OXCT1: variants seen among roughly 807,000 people sequenced by gnomAD.
OXCT1 encodes succinyl-CoA:3-ketoacid coenzyme A transferase 1, mitochondrial.
OXCT1 carries 27 observed loss-of-function variants against 69.6 expected under a neutral mutation model. The observed-to-expected ratio is 0.39, with a 90% CI of 0.29 to 0.54. OXCT1 has a LOEUF of 0.54. OXCT1 is among the 20% of genes least tolerant of loss of function. The pLI, the probability that OXCT1 is intolerant of heterozygous loss-of-function variation, is 0.72. For synonymous variants in OXCT1, 202 were observed against 217.8 expected (o/e 0.93, Z 0.64); for missense variants, 437 against 650.2 (o/e 0.67, Z 3.57).
rs145651969 is a variant in OXCT1 at position 41,841,741 on chromosome 5, G to A, written c.671+934C>T. Among the ~76,000 whole-genome samples the A allele has an allele frequency of 2.7e-4, 41 of 152,242 alleles. No homozygotes were observed. In the East Asian group the frequency reaches 6.6e-3, roughly 24 times the overall value. ...CTAAACGTGTAAATATTACACAAAC[G>A]TGTCAAATAAGGTAAAGATGATGTA... On this transcript the variant is annotated intron_variant, in intron 6 of 16. Coordinates refer to ENST00000196371, the MANE Select transcript of OXCT1 (RefSeq NM_000436.4).
Position 41,805,582 on chromosome 5 carries a change from C to T in OXCT1, c.940G>A (p.Glu314Lys). The change falls in exon 9 of 17, where the codon GAG (glutamate) becomes AAG (lysine). Residue 314 changes from glutamate (E) to lysine (K), a missense_variant. Glu to Lys is a moderately conservative substitution (Grantham distance 56). Coordinates refer to ENST00000196371, the MANE Select transcript of OXCT1 (RefSeq NM_000436.4). ...RIIKRAALEF[E>K]DGMYANLGIG... Reference sequence around the variant, plus strand: ...TAAAGGATACCATACATGCCATCCTCAAACTCAAGAGCGGCCCTCTTGATG... The same window carrying T: ...TAAAGGATACCATACATGCCATCCTTAAACTCAAGAGCGGCCCTCTTGATG... The T allele has an allele frequency of 6.2e-7, 1 of 1,611,904 alleles. No homozygotes were observed. The highest frequency in any genetic ancestry group is 8.5e-7 in the Non-Finnish European group (1 of 1,178,260).
chr5:41,814,754 T>G, intron 7 of OXCT1, among the ~76,000 whole-genome samples: 1 of 146,828 alleles, frequency 6.8e-6, no homozygotes, highest in Admixed American at 6.7e-5. Flanking sequence ...AGGGATAGCA[T>G]TGGGAGATAT....
chr5:41,857,869 C>A (rs920126364), intron 3 of OXCT1, among the ~76,000 whole-genome samples: 1 of 152,148 alleles, frequency 6.6e-6, no homozygotes, highest in Non-Finnish European at 1.5e-5. Context: ...TAAAATAATT[C>A]ATGAAGGTAG....
At chr5:41,861,207 T>A (rs1749717101) in intron 3 of OXCT1, 107 bp downstream of exon 3, 4 of 786,992 alleles carry the variant, frequency 5.1e-6, no homozygotes, top group African/African-American at 1.7e-5. Context: ...TGCTTGGACA[T>A]ATTGCTCATG....
At chr5:41,784,448 C>T (rs1357326479) in intron 13 of OXCT1, among the ~76,000 whole-genome samples, 3 of 152,204 alleles carry the variant, frequency 2.0e-5, no homozygotes, top group African/African-American at 7.2e-5. Context: ...CTTCAAACCA[C>T]AACAGGCTTT....
chr5:41,810,534 T>C (rs1746922463), intron 7 of OXCT1, among the ~76,000 whole-genome samples: 1 of 152,056 alleles, frequency 6.6e-6, no homozygotes, highest in Non-Finnish European at 1.5e-5. Flanking sequence ...CGTTTGAGGC[T>C]TCTCTAATTG....
At chr5:41,796,069 C>T (rs1416453422) in intron 11 of OXCT1, among the ~76,000 whole-genome samples, 3 of 152,108 alleles carry the variant, frequency 2.0e-5, no homozygotes, top group Admixed American at 6.6e-5. Flanking sequence ...CAGGGAATAA[C>T]ATGGTAATAC....
intron 6 of OXCT1, 103 bp downstream of exon 6, chr5:41,842,572 T>G (rs1748679858): frequency 2.4e-6 from 2 of 845,362 alleles, no homozygotes. Context: ...GCATGTATGA[T>G]TTTGGGCCAT....
rs1743558651 is a variant in OXCT1, at chr5:41,747,539, T to C, written c.1419+1988A>G. 5.3e-5 allele frequency among the ~76,000 whole-genome samples: 8 copies of C among 152,128 alleles called. 2 individuals are homozygous for C. The South Asian group carries it at 1.7e-3, about 32-fold the overall frequency. ...TGCTAAGTTAGGATAAGTACAAAGA[T>C]TCAGAGAAGCACCCAGAAAATTTGG... On this transcript the variant is annotated intron_variant, in intron 15 of 16. Coordinates refer to ENST00000196371, the MANE Select transcript of OXCT1 (RefSeq NM_000436.4).
Position 41,870,351 on chromosome 5 carries a change from G to A in OXCT1, c.8C>T (p.Ala3Val), listed in dbSNP as rs772198820. The A allele has an allele frequency of 1.9e-6, 3 of 1,613,386 alleles. No homozygotes were observed. The highest frequency in any genetic ancestry group is 1.7e-6 in the Non-Finnish European group (2 of 1,179,760). Reference sequence around the variant, plus strand: ...AAGCCCGGAGGAGAGGAGTTTGAGAGCCGCCATCTTCGGGCGGTGAGGCAG... The same window carrying A: ...AAGCCCGGAGGAGAGGAGTTTGAGAACCGCCATCTTCGGGCGGTGAGGCAG... MA[A>V]LKLLSSGLRL... is the part of the protein sequence containing the mutation. The change falls in exon 1 of 17, where the codon GCT (alanine) becomes GTT (valine). Residue 3 changes from alanine (A) to valine (V), a missense_variant. Around this residue, in one of 4 missense-constraint regions of OXCT1, gnomAD observed 79 missense variants for 61.5 expected, o/e 1.28. Coordinates refer to ENST00000196371, the MANE Select transcript of OXCT1 (RefSeq NM_000436.4). This position sits in a 1 kb window ranked among gnomAD's most constrained non-coding sequence, Gnocchi z 4.2.
chr5:41,768,400 G>T (rs1744717296), intron 13 of OXCT1, among the ~76,000 whole-genome samples: 1 of 152,120 alleles, frequency 6.6e-6, no homozygotes, highest in South Asian at 2.1e-4. Context: ...GACAATTAGG[G>T]ATACTCATTT....
chr5:41,859,866 T>TATATATATATATATATTAC (rs1554019097), intron 3 of OXCT1, among the ~76,000 whole-genome samples: 1 of 95,070 alleles, frequency 1.1e-5, no homozygotes, highest in Non-Finnish European at 2.2e-5. Flanking sequence ...AGTATAGTAA[T>TATATATATATATATATTAC]ATATATATAT....
chr5:41,744,108 AT>A (rs1460819904), intron 15 of OXCT1, among the ~76,000 whole-genome samples: 1 of 152,160 alleles, frequency 6.6e-6, no homozygotes, highest in Non-Finnish European at 1.5e-5. Flanking sequence ...CTTCCTACCC[AT>A]GAGCATGGAA....
intron 13 of OXCT1, among the ~76,000 whole-genome samples, chr5:41,780,565 TAAGAG>T (rs541478231): frequency 2.1e-3 from 326 of 152,316 alleles, no homozygotes; most frequent in African/African-American, 7.5e-3. Flanking sequence ...TATTTTCAGA[TAAGAG>T]AATTGTGTAG....
At chr5:41,808,860 GT>G (rs1186918286) in intron 7 of OXCT1, among the ~76,000 whole-genome samples, 2 of 152,022 alleles carry the variant, frequency 1.3e-5, no homozygotes, top group Non-Finnish European at 2.9e-5. Context: ...TCCATATTCA[GT>G]TTTAGCCTTC....
At chr5:41,763,893 G>C (rs1259654820) in intron 13 of OXCT1, among the ~76,000 whole-genome samples, 1 of 152,134 alleles carries the variant, frequency 6.6e-6, no homozygotes, top group Non-Finnish European at 1.5e-5. Context: ...AAGGAAGCCT[G>C]CCCAATTTAG....
At chr5:41,744,241 G>A (rs1261217024) in intron 15 of OXCT1, among the ~76,000 whole-genome samples, 1 of 152,122 alleles carries the variant, frequency 6.6e-6, no homozygotes, top group Non-Finnish European at 1.5e-5. Flanking sequence ...TTGTGAATGG[G>A]AGTTCACTCA....
chr5:41,794,291 T>C, intron 12 of OXCT1: 1 of 614,830 alleles, frequency 1.6e-6, no homozygotes, highest in Non-Finnish European at 2.9e-6. Context: ...ATTGTTTCAA[T>C]AACAAACTAT....
intron 13 of OXCT1, among the ~76,000 whole-genome samples, chr5:41,783,249 A>G (rs1018926540): frequency 6.6e-6 from 1 of 152,216 alleles, no homozygotes; most frequent in African/African-American, 2.4e-5. Context: ...TTTTCTCAAA[A>G]GTGTTGATCA....
Sources: gnomAD v4.1 joint callset for allele counts (sites outside exome capture counted in the v4.1 genomes callset) on GRCh38, gnomAD v4.1.1 for gene constraint, gnomAD v4.1.1 regional missense constraint, Gnocchi (gnomAD v3.1) non-coding constraint, MANE v1.5 for transcripts, NCBI Gene and HGNC (gene_info 2026-07-23, HGNC 2026-07-21) for gene names.